FGF14: variants seen among roughly 807,000 people sequenced by gnomAD.
FGF14 encodes the protein fibroblast growth factor 14.
Under a neutral mutation model 25.5 loss-of-function variants are expected in FGF14, and 5 were observed. That is an observed-to-expected ratio of 0.20 (90% confidence interval 0.10 to 0.41). The LOEUF is 0.41. FGF14 is among the 10% of genes least tolerant of loss of function. FGF14 has a pLI of 1.00. For missense variants in FGF14, 222 were observed against 320.1 expected (o/e 0.69, Z 2.34); for synonymous variants, 138 against 118.3 (o/e 1.17, Z -1.08).
chr13:102,258,296 C>A (rs1049190281), intron 1 of FGF14, among the ~76,000 whole-genome samples: 1 of 152,106 alleles, frequency 6.6e-6, no homozygotes, highest in Non-Finnish European at 1.5e-5. Flanking sequence ...GGGAGCACAG[C>A]AGCAGCTTCA....
At chr13:102,109,378 G>A (rs2045101172) in intron 1 of FGF14, among the ~76,000 whole-genome samples, 1 of 152,002 alleles carries the variant, frequency 6.6e-6, no homozygotes, top group African/African-American at 2.4e-5. Context: ...ACAACGTTTT[G>A]TATACTTGAA....
intron 1 of FGF14, among the ~76,000 whole-genome samples, chr13:102,126,263 T>G (rs2140387542): frequency 6.6e-6 from 1 of 152,200 alleles, no homozygotes; most frequent in African/African-American, 2.4e-5. Flanking sequence ...CTAATCTACT[T>G]TAGGTCTCTA....
rs2039349834 is a variant in FGF14, at chr13:101,999,234, A to C, written c.209-123938T>G. Reference sequence around the variant, plus strand: ...AGGTGATATAGATTAATAAGTGATAAGAAACACTGAAAGAAATTGATTAAA... The same window carrying C: ...AGGTGATATAGATTAATAAGTGATACGAAACACTGAAAGAAATTGATTAAA... On this transcript the variant is annotated intron_variant, in intron 1 of 4. Coordinates refer to the FGF14 transcript ENST00000376131. Among the ~76,000 whole-genome samples, 3 of 152,376 alleles carry C rather than the reference A, an allele frequency of 2.0e-5. No individual in the cohort carries two copies. In the South Asian group the frequency reaches 6.2e-4, roughly 32 times the overall value.
At chr13:102,382,012 C>T (rs796769762) in intron 1 of FGF14, among the ~76,000 whole-genome samples, 2 of 152,176 alleles carry the variant, frequency 1.3e-5, no homozygotes, top group African/African-American at 4.8e-5. Flanking sequence ...AGATCACAGA[C>T]CTATATAAGG....
At chr13:102,279,810 T>C (rs2053738643) in intron 1 of FGF14, among the ~76,000 whole-genome samples, 1 of 152,230 alleles carries the variant, frequency 6.6e-6, no homozygotes. Flanking sequence ...AATAAAACCC[T>C]TTGGGAACTC....
At chr13:101,942,433 T>A (rs2035513539) in intron 1 of FGF14, among the ~76,000 whole-genome samples, 1 of 152,198 alleles carries the variant, frequency 6.6e-6, no homozygotes, top group South Asian at 2.1e-4. Flanking sequence ...AAGAAATAAT[T>A]TTTCACAGTT....
intron 1 of FGF14, among the ~76,000 whole-genome samples, chr13:102,230,457 T>C (rs2051031190): frequency 6.6e-6 from 1 of 152,140 alleles, no homozygotes; most frequent in South Asian, 2.1e-4. Context: ...GGGTCCTATA[T>C]TTAGAGCTCC....
At chr13:101,914,289 G>T (rs2033250363) in intron 1 of FGF14, among the ~76,000 whole-genome samples, 1 of 151,070 alleles carries the variant, frequency 6.6e-6, no homozygotes, top group Admixed American at 6.6e-5. Context: ...TATTTGTTTT[G>T]CTTAAAATTA....
At chr13:101,955,810 G>T (rs958088742) in intron 1 of FGF14, among the ~76,000 whole-genome samples, 2 of 152,220 alleles carry the variant, frequency 1.3e-5, no homozygotes, top group African/African-American at 2.4e-5. Flanking sequence ...GAAGAAAGCA[G>T]TTCCATGGAT....
At chr13:102,193,806 T>C (rs1566802239) in intron 1 of FGF14, among the ~76,000 whole-genome samples, 1 of 152,170 alleles carries the variant, frequency 6.6e-6, no homozygotes, top group Non-Finnish European at 1.5e-5. Context: ...TGCTACATCA[T>C]ATTATCTAAA....
chr13:102,075,902 A>G (rs2043341508), intron 1 of FGF14, among the ~76,000 whole-genome samples: 1 of 152,220 alleles, frequency 6.6e-6, no homozygotes, highest in African/African-American at 2.4e-5. Flanking sequence ...AAAAAAAGTA[A>G]ATGAATAAAT....
intron 1 of FGF14, among the ~76,000 whole-genome samples, chr13:102,193,314 T>C (rs750253067): frequency 2.9e-4 from 44 of 152,240 alleles, no homozygotes; most frequent in Non-Finnish European, 5.3e-4. Context: ...TGTCTTCTTT[T>C]GGGGGCACTC....
At chr13:102,003,613 T>C (rs2039621361) in intron 1 of FGF14, among the ~76,000 whole-genome samples, 1 of 151,824 alleles carries the variant, frequency 6.6e-6, no homozygotes, top group East Asian at 1.9e-4. Flanking sequence ...TGTTGTTGTC[T>C]GGGTGCTTTC....
At chr13:102,269,465 T>C (rs2053145575) in intron 1 of FGF14, among the ~76,000 whole-genome samples, 1 of 152,230 alleles carries the variant, frequency 6.6e-6, no homozygotes. Flanking sequence ...GACAGAATTT[T>C]ATTCAGATGT....
intron 3 of FGF14, among the ~76,000 whole-genome samples, chr13:101,746,425 TTTA>T (rs1468230867): frequency 6.6e-6 from 1 of 151,988 alleles, no homozygotes; most frequent in African/African-American, 2.4e-5. Context: ...ACTGACAGTA[TTTA>T]TTATTAGAAA....
intron 1 of FGF14, among the ~76,000 whole-genome samples, chr13:102,262,342 ACTATTGCTTGGACCTC>A (rs1353044344): frequency 6.6e-6 from 1 of 152,120 alleles, no homozygotes; most frequent in African/African-American, 2.4e-5. Flanking sequence ...TTTCCTACCT[ACTATTGCTTGGACCTC>A]CCTTTCAACC....
rs548493051 is a variant in FGF14, at chr13:101,870,095, C to T, written c.305-1267G>A. ...GGTTAGTTGGATATTAGTTTCACTA[C>T]GTAAACTAATATCAGATTTTCTGCT... On this transcript the variant is annotated intron_variant, in intron 2 of 4. Coordinates refer to ENST00000376143, the MANE Select transcript of FGF14 (RefSeq NM_004115.4). Among the ~76,000 whole-genome samples, 332 of 152,202 alleles carry T rather than the reference C, an allele frequency of 2.2e-3. 1 individual carries two copies. The highest frequency in any genetic ancestry group is 7.1e-3 in the African/African-American group (294 of 41,546).
chr13:101,780,752 A>G (rs922404142), intron 3 of FGF14, among the ~76,000 whole-genome samples: 1 of 152,070 alleles, frequency 6.6e-6, no homozygotes, highest in Non-Finnish European at 1.5e-5. Flanking sequence ...TTCACCCAGA[A>G]CAGAACTCAT....
chr13:101,715,559 G>T lies in FGF14; in HGVS notation c.*7272C>A. On this transcript the variant is annotated 3_prime_UTR_variant, in exon 5 of 5. Coordinates refer to ENST00000376143, the MANE Select transcript of FGF14 (RefSeq NM_004115.4). ...TCATGATACCTATATGTATTTTATTGCAGGGAATGGAATATGTAGCTGTGG... is the reference window on the plus strand; with the variant it reads ...TCATGATACCTATATGTATTTTATTTCAGGGAATGGAATATGTAGCTGTGG... The T allele has an allele frequency of 6.2e-7, 1 of 1,601,656 alleles. No homozygotes were observed.
Sources: gnomAD v4.1 joint callset for allele counts (sites outside exome capture counted in the v4.1 genomes callset) on GRCh38, gnomAD v4.1.1 for gene constraint, MANE v1.5 for transcripts, NCBI Gene and HGNC (gene_info 2026-07-23, HGNC 2026-07-21) for gene names.